The following NHS variants were observed in gnomAD, a reference collection of about 807,000 sequenced individuals.
NHS encodes the protein NHS actin remodeling regulator, also known as actin remodeling regulator NHS.
NHS carries 5 observed loss-of-function variants against 72.5 expected under a neutral mutation model. The observed-to-expected ratio is 0.07, with a 90% CI of 0.04 to 0.14. The LOEUF (loss-of-function observed/expected upper bound fraction) is 0.14, where lower values mean the gene tolerates loss of function less well. Among genes scored for constraint, NHS ranks in the 10% least tolerant of loss-of-function variants. NHS has a pLI of 1.00. For missense variants in NHS, 1,072 were observed against 1,355.7 expected (o/e 0.79, Z 3.29); for synonymous variants, 464 against 547.7 (o/e 0.85, Z 2.13).
At chrX:17,538,471 G>C (rs988431331) in intron 1 of NHS, among the ~76,000 whole-genome samples, 7 of 111,652 alleles carry the variant, frequency 6.3e-5, no homozygotes, top group African/African-American at 2.3e-4. Flanking sequence ...GGGACCTCTG[G>C]GAAACTAAGC....
At chrX:17,566,010 G>T (rs1419598448) in intron 1 of NHS, among the ~76,000 whole-genome samples, 23 of 103,507 alleles carry the variant, frequency 2.2e-4, no homozygotes, top group African/African-American at 7.5e-4. Context: ...ACAGGGTCTT[G>T]CTCTGTTGCC....
intron 1 of NHS, among the ~76,000 whole-genome samples, chrX:17,649,452 G>T (rs2065920676): frequency 9.0e-6 from 1 of 110,762 alleles, no homozygotes. Flanking sequence ...TTAGTCTTTG[G>T]GGGCTAGAGG....
At chrX:17,383,408 T>C (rs1340726684) in intron 1 of NHS, among the ~76,000 whole-genome samples, 1 of 111,822 alleles carries the variant, frequency 8.9e-6, no homozygotes, top group East Asian at 2.8e-4. Context: ...ATTAGTCTGT[T>C]CTCTCACTGC....
chrX:17,397,439 C>A (rs1404578363), intron 1 of NHS, among the ~76,000 whole-genome samples: 2 of 111,596 alleles, frequency 1.8e-5, no homozygotes, highest in South Asian at 3.9e-4. Flanking sequence ...GGAGGGTGAT[C>A]TGCTGGGTTG....
intron 1 of NHS, among the ~76,000 whole-genome samples, chrX:17,548,832 A>C (rs374321925): frequency 1.8e-5 from 2 of 111,501 alleles, no homozygotes; most frequent in East Asian, 5.7e-4. Context: ...GAGGGCTGAC[A>C]ACAGGCCCCT....
chrX:17,668,265 A>C (rs957761596), intron 1 of NHS, among the ~76,000 whole-genome samples: 1 of 110,668 alleles, frequency 9.0e-6, no homozygotes. Flanking sequence ...TGTCTCACAC[A>C]CACACCCACA....
intron 1 of NHS, among the ~76,000 whole-genome samples, chrX:17,676,478 C>G (rs1236414809): frequency 8.9e-6 from 1 of 112,749 alleles, no homozygotes; most frequent in Non-Finnish European, 1.9e-5. Context: ...TGGTTCATCT[C>G]AAATAATGGA....
chrX:17,662,298 G>C (rs1759203815), intron 1 of NHS, among the ~76,000 whole-genome samples: 1 of 111,679 alleles, frequency 9.0e-6, no homozygotes, highest in African/African-American at 3.3e-5. Context: ...TAATGTACCA[G>C]AGTCACAAGT....
At chrX:17,450,138 C>T (rs1213011427) in intron 1 of NHS, among the ~76,000 whole-genome samples, 1 of 111,768 alleles carries the variant, frequency 8.9e-6, no homozygotes, top group Non-Finnish European at 1.9e-5. Context: ...GTCTGCCACT[C>T]TGCAAGGACC....
chrX:17,465,257 G>A (rs2064866037), intron 1 of NHS, among the ~76,000 whole-genome samples: 1 of 111,470 alleles, frequency 9.0e-6, no homozygotes, highest in Non-Finnish European at 1.9e-5. Flanking sequence ...TGATACTGTG[G>A]GGCAAATAAA....
intron 3 of NHS, among the ~76,000 whole-genome samples, chrX:17,716,413 T>C (rs754793161): frequency 2.7e-5 from 3 of 112,347 alleles, no homozygotes; most frequent in South Asian, 7.4e-4. Flanking sequence ...TTCTTTGAAG[T>C]AGGTTCCTTT....
rs141118518 is a variant in NHS at position 17,545,453 on chromosome X, G to A, written c.566-142289G>A. On this transcript the variant is annotated intron_variant, in intron 1 of 8. Transcript: ENST00000676302. The stretch of plus-strand genomic sequence containing the variant: ...GGCCAGTCCACAGAGGAATCTTACC[G>A]GTAGGAGATGTCTGTGGGCCAGGTT... 9.2e-4 allele frequency among the ~76,000 whole-genome samples: 103 copies of A among 111,697 alleles called. No homozygotes were observed. In the East Asian group the frequency reaches 0.018, roughly 19 times the overall value.
intron 1 of NHS, among the ~76,000 whole-genome samples, chrX:17,452,964 T>C (rs1186784520): frequency 8.9e-6 from 1 of 112,110 alleles, no homozygotes; most frequent in Non-Finnish European, 1.9e-5. Context: ...AGTGAGCAAG[T>C]TGGAAAAATC....
At chrX:17,529,816 T>A (rs1167542415) in intron 1 of NHS, among the ~76,000 whole-genome samples, 2 of 111,979 alleles carry the variant, frequency 1.8e-5, no homozygotes, top group African/African-American at 6.5e-5. Context: ...TTAAGTTTCA[T>A]TCTTAGAAGG....
chrX:17,693,178 C>T (rs776247320), intron 3 of NHS, among the ~76,000 whole-genome samples: 5 of 112,377 alleles, frequency 4.4e-5, no homozygotes, highest in Admixed American at 3.8e-4. Context: ...TAACTCAGCC[C>T]AAGCCCTCAA....
At chrX:17,661,782 G>A (rs868485267) in intron 1 of NHS, among the ~76,000 whole-genome samples, 23 of 112,109 alleles carry the variant, frequency 2.1e-4, no homozygotes, top group South Asian at 3.7e-4. Context: ...ACAGCTCACA[G>A]CTGCATCCCT....
At chrX:17,502,832 G>C (rs2146925508) in intron 1 of NHS, among the ~76,000 whole-genome samples, 1 of 110,346 alleles carries the variant, frequency 9.1e-6, no homozygotes, top group Non-Finnish European at 1.9e-5. Flanking sequence ...TTTCTAGTCT[G>C]CCCGATGCTT....
intron 3 of NHS, among the ~76,000 whole-genome samples, chrX:17,715,450 C>T (rs1304365799): frequency 8.9e-6 from 1 of 112,346 alleles, no homozygotes; most frequent in African/African-American, 3.2e-5. Context: ...AGGTTGGTTC[C>T]ATATTTTTGC....
chrX:17,618,021 C>T (rs2065754800), intron 1 of NHS, among the ~76,000 whole-genome samples: 1 of 112,137 alleles, frequency 8.9e-6, no homozygotes, highest in Non-Finnish European at 1.9e-5. Context: ...TACCAAGCTA[C>T]ATGAACTTTA....
Sources: allele counts gnomAD v4.1 joint callset (sites outside exome capture counted in the v4.1 genomes callset), GRCh38; gene constraint gnomAD v4.1.1; transcripts MANE v1.5; gene names NCBI Gene and HGNC (gene_info 2026-07-23, HGNC 2026-07-21).